Variants in LRRC28 observed in about 807,000 individuals in gnomAD.
The protein encoded by LRRC28 is leucine rich repeat containing 28.
LRRC28 carries 39 observed loss-of-function variants against 45.7 expected under a neutral mutation model. The observed-to-expected ratio is 0.85, with a 90% confidence interval of 0.66 to 1.12. The LOEUF is 1.12. Among genes scored for constraint, LRRC28 ranks in the 50% most tolerant of loss-of-function variants. The pLI, the probability that LRRC28 is intolerant of heterozygous loss-of-function variation, is 0.00. For missense variants in LRRC28, 435 were observed against 438.5 expected, an observed-to-expected ratio of 0.99 and a Z score of 0.07; for synonymous variants, 206 against 178.8, an observed-to-expected ratio of 1.15 and a Z score of -1.22.
chr15:99,293,700 A>G (rs1277072698), intron 5 of LRRC28, among the ~76,000 whole-genome samples: 1 of 147,438 alleles, frequency 6.8e-6, no homozygotes, highest in African/African-American at 2.5e-5. Flanking sequence ...CTTAAGAGAC[A>G]CAGTCTTGCT....
chr15:99,252,877 G>A (rs78291617), intron 1 of LRRC28, among the ~76,000 whole-genome samples: 14,253 of 152,254 alleles, frequency 0.094, 736 homozygotes, highest in African/African-American at 0.14. Flanking sequence ...GTTTTAGGAA[G>A]GGTTACTTTT....
At chr15:99,269,037 C>T (rs1220599345) in intron 2 of LRRC28, among the ~76,000 whole-genome samples, 1 of 152,060 alleles carries the variant, frequency 6.6e-6, no homozygotes, top group African/African-American at 2.4e-5. Context: ...CTATCAAATT[C>T]AGAAACATTG....
At chr15:99,259,484 G>T (rs1229412174) in intron 2 of LRRC28, 7 of 1,156,404 alleles carry the variant, frequency 6.1e-6, no homozygotes, top group Admixed American at 1.7e-5. Context: ...TTGGGTGAAA[G>T]ATAAAGCCAT....
intron 7 of LRRC28, among the ~76,000 whole-genome samples, chr15:99,356,557 A>G (rs1029644391): frequency 3.9e-5 from 6 of 152,314 alleles, no homozygotes; most frequent in African/African-American, 1.2e-4. Flanking sequence ...CTGCTAGCCA[A>G]TATAAAAGAA....
chr15:99,286,433 A>G (rs1221198623), intron 3 of LRRC28, among the ~76,000 whole-genome samples: 1 of 152,198 alleles, frequency 6.6e-6, no homozygotes, highest in Non-Finnish European at 1.5e-5. Flanking sequence ...GCCCGGCCAT[A>G]AAGATTTATT....
intron 2 of LRRC28, among the ~76,000 whole-genome samples, chr15:99,261,120 G>C (rs1249800793): frequency 1.3e-5 from 2 of 152,224 alleles, no homozygotes; most frequent in African/African-American, 4.8e-5. Flanking sequence ...TGTATTTGTA[G>C]GACGATTGCA....
intron 6 of LRRC28, among the ~76,000 whole-genome samples, chr15:99,350,347 T>G (rs181752188): frequency 1.3e-5 from 2 of 152,212 alleles, no homozygotes; most frequent in Admixed American, 1.3e-4. Context: ...GCAGGATGAT[T>G]GTAGTAAGAC....
intron 6 of LRRC28, among the ~76,000 whole-genome samples, chr15:99,346,037 A>T (rs1043068990): frequency 1.4e-4 from 21 of 152,088 alleles, no homozygotes; most frequent in African/African-American, 4.6e-4. Context: ...GCTGGAGTGC[A>T]GTGGTGTAGT....
chr15:99,324,616 T>C (rs1264353927), intron 5 of LRRC28, among the ~76,000 whole-genome samples: 1 of 152,218 alleles, frequency 6.6e-6, no homozygotes, highest in Admixed American at 6.5e-5. Flanking sequence ...CTTTTGAAAT[T>C]GACACCATAA....
At chr15:99,318,786 GTATTT>G (rs1238688324) in intron 5 of LRRC28, among the ~76,000 whole-genome samples, 1 of 152,002 alleles carries the variant, frequency 6.6e-6, no homozygotes, top group African/African-American at 2.4e-5. Flanking sequence ...TAGTATGGAA[GTATTT>G]TAATTGAGAG....
At chr15:99,294,339 C>G (rs1219857936) in intron 5 of LRRC28, among the ~76,000 whole-genome samples, 1 of 150,704 alleles carries the variant, frequency 6.6e-6, no homozygotes, top group East Asian at 1.9e-4. Flanking sequence ...TGTTCTTCTT[C>G]TTTTTTTTTA....
chr15:99,380,584 A>G (rs112649605), intron 9 of LRRC28, among the ~76,000 whole-genome samples: 14 of 152,166 alleles, frequency 9.2e-5, no homozygotes, highest in Non-Finnish European at 1.9e-4. Flanking sequence ...TTATGATGTT[A>G]ACTGGTTATT....
At chr15:99,373,428 A>G (rs926420112) in intron 9 of LRRC28, among the ~76,000 whole-genome samples, 12 of 152,132 alleles carry the variant, frequency 7.9e-5, no homozygotes, top group Non-Finnish European at 1.2e-4. Context: ...AGATATATAT[A>G]TTTATGGGGT....
chr15:99,302,101 A>G (rs1369199809), intron 5 of LRRC28, among the ~76,000 whole-genome samples: 2 of 150,290 alleles, frequency 1.3e-5, no homozygotes, highest in African/African-American at 4.9e-5. Context: ...ATCTCAGCTC[A>G]CTGCAAGCTC....
At chr15:99,300,703 G>A (rs1175265936) in intron 5 of LRRC28, among the ~76,000 whole-genome samples, 1 of 152,156 alleles carries the variant, frequency 6.6e-6, no homozygotes. Flanking sequence ...GTGTGCACCT[G>A]TAATCCCAGC....
intron 6 of LRRC28, among the ~76,000 whole-genome samples, chr15:99,342,794 TTGA>T (rs1450342373): frequency 3.9e-5 from 6 of 152,240 alleles, no homozygotes; most frequent in South Asian, 2.1e-4. Flanking sequence ...AATTTAACAG[TTGA>T]TGATCTACCA....
chr15:99,381,237 A>T (rs556885177), intron 9 of LRRC28, among the ~76,000 whole-genome samples: 54 of 150,904 alleles, frequency 3.6e-4, no homozygotes, highest in Admixed American at 8.6e-4. Flanking sequence ...GTTTCTTTTT[A>T]CTCTTTTTTC....
chr15:99,272,693 A>G (rs2081512967), intron 2 of LRRC28, among the ~76,000 whole-genome samples: 1 of 152,218 alleles, frequency 6.6e-6, no homozygotes, highest in Non-Finnish European at 1.5e-5. Flanking sequence ...TTGTTTAGCT[A>G]GATAATAATG....
intron 5 of LRRC28, 55 bp downstream of exon 5, chr15:99,288,006 A>T: frequency 6.8e-7 from 1 of 1,474,444 alleles, no homozygotes. Flanking sequence ...ATCTGTATTC[A>T]TATTTCTCAC....
Sources: allele counts gnomAD v4.1 joint callset (sites outside exome capture counted in the v4.1 genomes callset), GRCh38; gene constraint gnomAD v4.1.1; transcripts MANE v1.5; gene names NCBI Gene and HGNC (gene_info 2026-07-23, HGNC 2026-07-21).